BLNK: variants seen among roughly 807,000 people sequenced by gnomAD.
The protein encoded by BLNK is B cell linker.
A neutral mutation model predicts 73.5 loss-of-function variants in BLNK; 29 were observed. That is an observed-to-expected ratio of 0.39 (90% CI 0.29 to 0.54). The LOEUF (loss-of-function observed/expected upper bound fraction) is 0.54, where lower values mean the gene tolerates loss of function less well. Ranked by LOEUF, BLNK falls within the 20% of genes least tolerant of loss-of-function variation. The pLI, the probability that BLNK is intolerant of heterozygous loss-of-function variation, is 0.61. For missense variants in BLNK, 460 were observed against 562.8 expected, an observed-to-expected ratio of 0.82 and a Z score of 1.85; for synonymous variants, 176 against 200.8, an observed-to-expected ratio of 0.88 and a Z score of 1.04.
chr10:96,216,611 A>G, intron 7 of BLNK, 42 bp downstream of exon 7: 1 of 1,548,214 alleles, frequency 6.5e-7, no homozygotes, highest in Non-Finnish European at 8.9e-7. Flanking sequence ...ATCCTGATCA[A>G]CTGCTAAAAA....
At chr10:96,221,706 A>G (rs2084200624) in intron 6 of BLNK, among the ~76,000 whole-genome samples, 1 of 152,152 alleles carries the variant, frequency 6.6e-6, no homozygotes, top group African/African-American at 2.4e-5. Context: ...CTTCATGTGG[A>G]ATTGCCAAAT....
chr10:96,216,882 T>C (rs587655243), intron 6 of BLNK, 148 bp from the exon 7 acceptor site: 1 of 743,352 alleles, frequency 1.3e-6, no homozygotes, highest in African/African-American at 1.7e-5. Flanking sequence ...TTGGTGACTT[T>C]TAGTATATTC....
rs2083908222 is a variant in BLNK, at chr10:96,209,906, A to G, written c.678T>C (p.Gly226=). Residue 226 remains glycine (G), a splice_region_variant and synonymous_variant, in exon 9 of 17, where the codon GGT becomes GGC. Coordinates refer to ENST00000224337, the MANE Select transcript of BLNK (RefSeq NM_013314.4). ...TGGTTTCCCAGGCCCCACTGTTTCG[A>G]CCTGCACAAACATATACACTACTCA... ...TPASPPGTAS[G]RNSGAWETKS... The G allele has an allele frequency of 6.2e-7, 1 of 1,613,978 alleles. No homozygotes were observed. The highest frequency in any genetic ancestry group is 1.3e-5 in the African/African-American group (1 of 74,898).
At chr10:96,226,023 T>C (rs1842243258) in intron 5 of BLNK, among the ~76,000 whole-genome samples, 1 of 152,082 alleles carries the variant, frequency 6.6e-6, no homozygotes, top group African/African-American at 2.4e-5. Flanking sequence ...CTGTGATGAT[T>C]GAAAAAGATC....
chr10:96,224,388 C>T (rs587701212), intron 5 of BLNK, among the ~76,000 whole-genome samples: 1 of 152,308 alleles, frequency 6.6e-6, no homozygotes, highest in South Asian at 2.1e-4. Flanking sequence ...TTGAACTCCT[C>T]GGGAGGAGCC....
Position 96,203,365 on chromosome 10 carries a change from T to C in BLNK, c.934+692A>G, listed in dbSNP as rs2083702287. Among the ~76,000 whole-genome samples the C allele has an allele frequency of 2.6e-5, 4 of 152,216 alleles. No homozygotes were observed. In the South Asian group the frequency reaches 8.3e-4, roughly 32 times the overall value. On this transcript the variant is annotated intron_variant, in intron 13 of 16. Coordinates refer to ENST00000224337, the MANE Select transcript of BLNK (RefSeq NM_013314.4). ...AAAATTTAAAAAGCCAATTTATGTT[T>C]AGTAAAAAAAATGCATAAAAATTTT...
chr10:96,265,855 C>A (rs782266904), intron 1 of BLNK, among the ~76,000 whole-genome samples: 27 of 152,142 alleles, frequency 1.8e-4, no homozygotes, highest in Non-Finnish European at 3.1e-4. Context: ...CTGCCCTGTA[C>A]AATGTAGGAT....
At chr10:96,255,697 C>T (rs1260548648) in intron 1 of BLNK, among the ~76,000 whole-genome samples, 1 of 152,204 alleles carries the variant, frequency 6.6e-6, no homozygotes, top group Non-Finnish European at 1.5e-5. Context: ...TTCATCCTTT[C>T]AGTGTTCATA....
At position 96,196,980 on chromosome 10, in the gene BLNK, T is replaced by C. The variant is rs2083483141; in HGVS notation, c.1179A>G (p.Val393=). 6.2e-7 allele frequency: 1 copy of C among 1,613,352 alleles called. No homozygotes were observed. The highest frequency in any genetic ancestry group is 8.5e-7 in the Non-Finnish European group (1 of 1,179,526). ...YTLVVFFNKR[V]YNIPVRFIEA... is the part of the protein sequence containing the mutation. The stretch of plus-strand genomic sequence containing the variant: ...CAATAAATCGCACAGGAATATTATA[T>C]ACTCGCTTATTAAAGAATACAACTA... The change falls in exon 16 of 17, where the codon GTA becomes GTG. Residue 393 remains valine (V), a synonymous_variant. Transcript: ENST00000224337.
At chr10:96,255,490 AT>A (rs201682708) in intron 1 of BLNK, among the ~76,000 whole-genome samples, 8,494 of 146,928 alleles carry the variant, frequency 0.058, 373 homozygotes, top group African/African-American at 0.13. Context: ...AGGTTTCAGG[AT>A]TTTTTTTTTT....
At chr10:96,236,863 TC>T (rs1281087284) in intron 3 of BLNK, among the ~76,000 whole-genome samples, 1 of 151,636 alleles carries the variant, frequency 6.6e-6, no homozygotes, top group Non-Finnish European at 1.5e-5. Context: ...TCGTAGAAAC[TC>T]CCTTTGTCTG....
intron 1 of BLNK, among the ~76,000 whole-genome samples, chr10:96,247,785 C>T (rs186575827): frequency 2.0e-3 from 312 of 152,296 alleles, no homozygotes; most frequent in Non-Finnish European, 3.6e-3. Context: ...ACCTTAACTT[C>T]AGCGTCTGAT....
intron 8 of BLNK, among the ~76,000 whole-genome samples, chr10:96,211,349 C>T (rs587627341): frequency 2.6e-5 from 4 of 152,132 alleles, no homozygotes; most frequent in South Asian, 2.1e-4. Flanking sequence ...TGTTAGGGGC[C>T]GAGGAAGAGG....
At chr10:96,228,661 A>C (rs1339454593) in intron 4 of BLNK, among the ~76,000 whole-genome samples, 1 of 152,252 alleles carries the variant, frequency 6.6e-6, no homozygotes, top group Non-Finnish European at 1.5e-5. Context: ...TCTCCTTCTC[A>C]GCCTCTCTGC....
At chr10:96,250,177 C>G (rs111716638) in intron 1 of BLNK, among the ~76,000 whole-genome samples, 4,251 of 152,204 alleles carry the variant, frequency 0.028, 85 homozygotes, top group Non-Finnish European at 0.042. Context: ...ATATTATGGG[C>G]TCAGTAGCAA....
At chr10:96,246,882 G>A in intron 2 of BLNK, 102 bp downstream of exon 2, 1 of 847,620 alleles carries the variant, frequency 1.2e-6, no homozygotes, top group East Asian at 2.7e-5. Context: ...TGCTAAAGAG[G>A]TAGAAACTTC....
At chr10:96,253,052 C>T (rs1350884604) in intron 1 of BLNK, among the ~76,000 whole-genome samples, 1 of 152,158 alleles carries the variant, frequency 6.6e-6, no homozygotes, top group Non-Finnish European at 1.5e-5. Context: ...GGTCCCTGTG[C>T]TGCAGGTTGA....
At chr10:96,203,908 C>T in intron 13 of BLNK, 149 bp downstream of exon 13, 1 of 568,330 alleles carries the variant, frequency 1.8e-6, no homozygotes, top group Non-Finnish European at 3.2e-6. Context: ...CATTCTTGGC[C>T]CCATTTTACA....
At chr10:96,210,596 A>G (rs1343898105) in intron 8 of BLNK, among the ~76,000 whole-genome samples, 3 of 152,242 alleles carry the variant, frequency 2.0e-5, no homozygotes, top group African/African-American at 7.2e-5. Context: ...ACCTGAAGAT[A>G]GATGCCAGAC....
Sources: allele counts gnomAD v4.1 joint callset (sites outside exome capture counted in the v4.1 genomes callset), GRCh38; gene constraint gnomAD v4.1.1; transcripts MANE v1.5; gene names NCBI Gene and HGNC (gene_info 2026-07-23, HGNC 2026-07-21).